The following ARID1B variants were observed in gnomAD, a reference collection of about 807,000 sequenced individuals.
ARID1B encodes the protein AT-rich interactive domain-containing protein 1B.
ARID1B carries 30 observed loss-of-function variants against 212.3 expected under a neutral mutation model. That is an observed-to-expected ratio of 0.14 (90% CI 0.11 to 0.19). The LOEUF is 0.19. Among genes scored for constraint, ARID1B ranks in the 10% least tolerant of loss-of-function variants. The pLI, the probability that ARID1B is intolerant of heterozygous loss-of-function variation, is 1.00. For synonymous variants in ARID1B, 1,402 were observed against 1,301.7 expected, an observed-to-expected ratio of 1.08 and a Z score of -1.66; for missense variants, 2,891 against 3,204.0, an observed-to-expected ratio of 0.90 and a Z score of 2.36.
chr6:156,787,075 A>G (rs1490793226), intron 1 of ARID1B, among the ~76,000 whole-genome samples: 1 of 151,710 alleles, frequency 6.6e-6, no homozygotes, highest in Non-Finnish European at 1.5e-5. Context: ...CCAATCAGTT[A>G]CTGGCTTTGT....
chr6:157,174,584 G>A (rs1421235821), intron 10 of ARID1B, among the ~76,000 whole-genome samples: 1 of 150,042 alleles, frequency 6.7e-6, no homozygotes. Flanking sequence ...AGCATTCCAT[G>A]TAAGCTTGAA....
chr6:156,816,046 A>G (rs2127998980), intron 1 of ARID1B, among the ~76,000 whole-genome samples: 2 of 152,322 alleles, frequency 1.3e-5, no homozygotes, highest in East Asian at 3.9e-4. Flanking sequence ...CTTTATACAC[A>G]TTTACCATTC....
intron 8 of ARID1B, chr6:157,150,117 A>T (rs1790090049): frequency 6.6e-6 from 1 of 152,196 alleles, no homozygotes; most frequent in Non-Finnish European, 1.5e-5. Flanking sequence ...TTGAAGTTCT[A>T]ATTCAAGTTT....
At chr6:157,164,656 G>A (rs939871940) in intron 8 of ARID1B, 1 of 151,920 alleles carries the variant, frequency 6.6e-6, no homozygotes, top group Non-Finnish European at 1.5e-5. Context: ...CATGTGCAAG[G>A]GATTAATTAG....
chr6:157,056,822 TAAA>T (rs1168952295), intron 4 of ARID1B, among the ~76,000 whole-genome samples: 5 of 151,636 alleles, frequency 3.3e-5, no homozygotes, highest in South Asian at 2.1e-4. Flanking sequence ...TTTTTTTTGT[TAAA>T]AACTTTTCTT....
chr6:156,813,031 C>CATATATATACACATACGTATGTATAT (rs1562404364), intron 1 of ARID1B, among the ~76,000 whole-genome samples: 1 of 71,682 alleles, frequency 1.4e-5, no homozygotes, highest in East Asian at 9.8e-4. Context: ...TATGTATATA[C>CATATATATACACATACGTATGTATAT]ATATATATAT....
In ARID1B at chr6:156,843,012, G is replaced by A. The variant is rs375675218; in HGVS notation, c.1986+13591G>A. On this transcript the variant is annotated intron_variant, in intron 2 of 19. Transcript: ENST00000636930. ...ACTGGTGTTAGGCAAGGTCATTTTG[G>A]GTGGCACATAGACACAGCATTACAT... 5.3e-4 allele frequency among the ~76,000 whole-genome samples: 80 copies of A among 152,302 alleles called. 2 individuals are homozygous for A. The South Asian group carries it at 0.016, about 30-fold the overall frequency.
intron 18 of ARID1B, among the ~76,000 whole-genome samples, chr6:157,202,408 A>G (rs1794169884): frequency 6.6e-6 from 1 of 152,226 alleles, no homozygotes; most frequent in Non-Finnish European, 1.5e-5. Context: ...ATAATTTGAA[A>G]GACATCAATC....
intron 7 of ARID1B, among the ~76,000 whole-genome samples, chr6:157,142,778 T>C (rs535983968): frequency 2.0e-5 from 3 of 152,372 alleles, no homozygotes; most frequent in African/African-American, 7.2e-5. Flanking sequence ...TAGCTAATTA[T>C]GCATTTCTTT....
At chr6:157,099,110 C>T (rs1420819206) in intron 5 of ARID1B, among the ~76,000 whole-genome samples, 1 of 152,070 alleles carries the variant, frequency 6.6e-6, no homozygotes, top group African/African-American at 2.4e-5. Flanking sequence ...ATTACAGGTG[C>T]CCACCACCAC....
intron 4 of ARID1B, among the ~76,000 whole-genome samples, chr6:156,957,946 C>T (rs1794089327): frequency 6.6e-6 from 1 of 152,222 alleles, no homozygotes; most frequent in African/African-American, 2.4e-5. Context: ...TGTAGCCTTC[C>T]TCTTAGACTT....
rs140660765 is a variant in ARID1B at position 157,193,007 on chromosome 6, G to T, written c.4231+2797G>T. ...ATGGTCAGAGTCTGATCTAATATTA[G>T]CCCTCAGTAGCCCTGAGGGGCCTGG... is the stretch of plus-strand genomic sequence containing the variant. On this transcript the variant is annotated intron_variant, in intron 15 of 19. Transcript: ENST00000636930. Among the ~76,000 whole-genome samples, 723 of 152,244 alleles carry T rather than the reference G, an allele frequency of 4.7e-3. 3 individuals carry two copies. Among genetic ancestry groups the T allele is most frequent in the African/African-American group, 0.016 (676 of 41,544 alleles).
chr6:156,813,199 G>C (rs890290857), intron 1 of ARID1B, among the ~76,000 whole-genome samples: 6 of 150,294 alleles, frequency 4.0e-5, no homozygotes, highest in South Asian at 2.1e-4. Context: ...TGCCACCCAG[G>C]TTGAAGCAAT....
intron 4 of ARID1B, among the ~76,000 whole-genome samples, chr6:157,035,771 G>T (rs140766144): frequency 2.0e-5 from 3 of 152,200 alleles, no homozygotes; most frequent in Non-Finnish European, 2.9e-5. Flanking sequence ...CCAGGGGGTG[G>T]TCAGTGAGCC....
chr6:156,845,088 A>ATTC, intron 2 of ARID1B, among the ~76,000 whole-genome samples: 1 of 152,114 alleles, frequency 6.6e-6, no homozygotes, highest in East Asian at 1.9e-4. Flanking sequence ...GTAATTTAGG[A>ATTC]GACATCTTCA....
chr6:157,118,767 G>C (rs1392907595), intron 6 of ARID1B, among the ~76,000 whole-genome samples: 1 of 152,170 alleles, frequency 6.6e-6, no homozygotes. Flanking sequence ...TCATCCCAAA[G>C]CTGGGAAAAC....
chr6:156,856,306 T>C (rs1784927811), intron 2 of ARID1B, among the ~76,000 whole-genome samples: 1 of 152,246 alleles, frequency 6.6e-6, no homozygotes, highest in Non-Finnish European at 1.5e-5. Context: ...ATATAGCCTA[T>C]GCTTTTCAGG....
chr6:157,204,506 A>G (rs1000473085), intron 19 of ARID1B: 2 of 152,930 alleles, frequency 1.3e-5, no homozygotes, highest in Non-Finnish European at 2.9e-5. Flanking sequence ...GAGCAGTTTA[A>G]TGAACCCCCA....
chr6:157,081,275 T>A (rs943874924), intron 4 of ARID1B, among the ~76,000 whole-genome samples: 1 of 152,234 alleles, frequency 6.6e-6, no homozygotes, highest in African/African-American at 2.4e-5. Flanking sequence ...CTGATAGTAC[T>A]TATAAAAGAA....
Sources: gnomAD v4.1 joint callset for allele counts (sites outside exome capture counted in the v4.1 genomes callset) on GRCh38, gnomAD v4.1.1 for gene constraint, MANE v1.5 for transcripts, NCBI Gene and HGNC (gene_info 2026-07-23, HGNC 2026-07-21) for gene names.